The following WNK3 variants were observed in gnomAD, a reference collection of about 807,000 sequenced individuals.
The protein encoded by WNK3 is serine/threonine-protein kinase WNK3.
In WNK3, 18 loss-of-function variants were observed where a neutral mutation model predicts 116.7. The observed-to-expected ratio is 0.15, with a 90% confidence interval of 0.11 to 0.23. The LOEUF is 0.23. Among genes scored for constraint, WNK3 ranks in the 10% least tolerant of loss-of-function variants. The pLI is 1.00. For synonymous variants in WNK3, 404 were observed against 469.4 expected (o/e 0.86, Z 1.80); for missense variants, 993 against 1,323.8 (o/e 0.75, Z 3.88).
intron 1 of WNK3, among the ~76,000 whole-genome samples, chrX:54,340,157 CA>C (rs1557176107): frequency 3.6e-5 from 4 of 109,854 alleles, no homozygotes; most frequent in Non-Finnish European, 7.6e-5. Context: ...CTCAAAAAAA[CA>C]AAAAACCAAA....
intron 5 of WNK3, among the ~76,000 whole-genome samples, chrX:54,305,151 AAAAAC>A (rs1264257018): frequency 2.7e-5 from 3 of 110,943 alleles, no homozygotes; most frequent in African/African-American, 6.5e-5. Flanking sequence ...ACTCTGTCTC[AAAAAC>A]AAAACAAAAC....
intron 17 of WNK3, among the ~76,000 whole-genome samples, chrX:54,245,145 C>CGTGTGTGTGT (rs782272022): frequency 6.3e-4 from 53 of 84,670 alleles, no homozygotes; most frequent in African/African-American, 2.0e-3. Context: ...CATATATATG[C>CGTGTGTGTGT]GTGTGTGTGT....
intron 1 of WNK3, among the ~76,000 whole-genome samples, chrX:54,350,629 T>C (rs1349392434): frequency 9.0e-6 from 1 of 111,548 alleles, no homozygotes; most frequent in Non-Finnish European, 1.9e-5. Context: ...AGCCTTTTCA[T>C]AGGGCAAATT....
chrX:54,322,341 C>T (rs1429079276), intron 2 of WNK3, among the ~76,000 whole-genome samples: 2 of 111,772 alleles, frequency 1.8e-5, no homozygotes, highest in African/African-American at 6.5e-5. Flanking sequence ...GATTTAGGAG[C>T]TGGAGTGAAC....
exon 3 of WNK3, chrX:54,311,274 T>C (rs782019452): frequency 1.7e-6 from 2 of 1,205,089 alleles, no homozygotes; most frequent in Non-Finnish European, 2.2e-6. Flanking sequence ...GCTGCTCAGC[T>C]TTGGTTAACT....
At chrX:54,234,134 G>A (rs1303817577) in intron 20 of WNK3, among the ~76,000 whole-genome samples, 2 of 111,754 alleles carry the variant, frequency 1.8e-5, no homozygotes, top group Non-Finnish European at 3.8e-5. Context: ...AGCACTCTGG[G>A]AGGCTGAGAC....
intron 22 of WNK3, among the ~76,000 whole-genome samples, chrX:54,222,923 TA>T (rs1310542156): frequency 1.1e-5 from 1 of 94,710 alleles, no homozygotes; most frequent in Non-Finnish European, 2.0e-5. Flanking sequence ...ATAATATATA[TA>T]TATATATATA....
intron 1 of WNK3, among the ~76,000 whole-genome samples, chrX:54,334,578 A>G (rs1482939614): frequency 1.8e-5 from 2 of 109,431 alleles, no homozygotes; most frequent in Non-Finnish European, 3.8e-5. Flanking sequence ...AATATTCCAT[A>G]TGTTATAGAC....
intron 21 of WNK3, among the ~76,000 whole-genome samples, chrX:54,230,141 A>G (rs1357830841): frequency 9.0e-6 from 1 of 111,536 alleles, no homozygotes; most frequent in Non-Finnish European, 1.9e-5. Context: ...TTTTTATCAA[A>G]AATACAGAAA....
chrX:54,268,557 T>C (rs1485050036), intron 10 of WNK3, among the ~76,000 whole-genome samples: 1 of 110,605 alleles, frequency 9.0e-6, no homozygotes, highest in Non-Finnish European at 1.9e-5. Context: ...CATGGAGAAA[T>C]AGCTGGATTC....
chrX:54,193,716 G>T (rs1557139473), exon 24 of WNK3: 1 of 111,016 alleles, frequency 9.0e-6, no homozygotes, highest in Non-Finnish European at 1.9e-5. Context: ...AAGGCATTTG[G>T]TTCCATAAAA....
At chrX:54,293,423 T>C in intron 8 of WNK3, 96 bp from the exon 9 acceptor site, 3 of 632,564 alleles carry the variant, frequency 4.7e-6, no homozygotes, top group Non-Finnish European at 6.9e-6. Context: ...AATGGCTTTT[T>C]TACTCTGAGA....
At chrX:54,215,458 C>T (rs782131727) in intron 22 of WNK3, among the ~76,000 whole-genome samples, 3 of 112,898 alleles carry the variant, frequency 2.7e-5, no homozygotes, top group South Asian at 3.6e-4. Flanking sequence ...CCCGAGGTGC[C>T]GGGATTGCAG....
chrX:54,333,129 A>G lies in WNK3; in HGVS notation c.537+8T>C, dbSNP rs782128315. Reference sequence around the variant, plus strand: ...AATTTATTATAACCAAGAAGATTATATACCTACCTGCAGCTCACACCAAGC... The same window carrying G: ...AATTTATTATAACCAAGAAGATTATGTACCTACCTGCAGCTCACACCAAGC... On this transcript the variant is annotated splice_region_variant and intron_variant, in intron 2 of 23. Coordinates refer to ENST00000354646, the Ensembl canonical transcript of WNK3. 3 of 1,169,935 alleles carry G rather than the reference A, an allele frequency of 2.6e-6. No individual in the cohort carries two copies. Among genetic ancestry groups the G allele is most frequent in the East Asian group, 6.0e-5 (2 of 33,439 alleles).
At chrX:54,200,983 T>C (rs1557141505) in intron 23 of WNK3, among the ~76,000 whole-genome samples, 6 of 111,913 alleles carry the variant, frequency 5.4e-5, no homozygotes, top group Non-Finnish European at 1.1e-4. Flanking sequence ...ATAAATGCAT[T>C]ATTTCTTTAA....
intron 1 of WNK3, among the ~76,000 whole-genome samples, chrX:54,337,299 C>T (rs1313058056): frequency 1.8e-5 from 2 of 110,872 alleles, no homozygotes; most frequent in Admixed American, 9.8e-5. Context: ...CGGTGGCTCA[C>T]GCCTGTAATC....
chrX:54,213,414 C>T (rs1355787255), intron 22 of WNK3, among the ~76,000 whole-genome samples: 2 of 106,930 alleles, frequency 1.9e-5, no homozygotes, highest in African/African-American at 3.4e-5. Flanking sequence ...ATTAGCTGGG[C>T]GAAGTGGTGG....
chrX:54,333,223 T>G (rs782597295), exon 2 of WNK3: 9 of 1,206,502 alleles, frequency 7.5e-6, no homozygotes. Context: ...CCTAGTTCTA[T>G]GTCAAATTTC....
At chrX:54,253,726 C>A (rs192708735) in intron 13 of WNK3, among the ~76,000 whole-genome samples, 267 of 111,812 alleles carry the variant, frequency 2.4e-3, no homozygotes, top group Middle Eastern at 4.6e-3. Context: ...GAGATAAGAG[C>A]CATTTAGCTA....
Sources: gnomAD v4.1 joint callset for allele counts (sites outside exome capture counted in the v4.1 genomes callset) on GRCh38, gnomAD v4.1.1 for gene constraint, MANE v1.5 for transcripts, NCBI Gene and HGNC (gene_info 2026-07-23, HGNC 2026-07-21) for gene names.